Variants in RIC8B observed in about 807,000 individuals in gnomAD.
RIC8B encodes the protein chaperone Ric-8B.
Under a neutral mutation model 57.5 loss-of-function variants are expected in RIC8B, and 16 were observed. The ratio of observed to expected loss-of-function variants is 0.28; its 90% CI spans 0.19 to 0.42. The LOEUF is 0.42. Ranked by LOEUF, RIC8B falls within the 10% of genes least tolerant of loss-of-function variation. The pLI is 1.00. For missense variants in RIC8B, 481 were observed against 677.0 expected (o/e 0.71, Z 3.21); for synonymous variants, 216 against 250.8 (o/e 0.86, Z 1.31).
chr12:106,887,203 C>CAT lies in RIC8B; in HGVS notation c.*1196_*1197dup, dbSNP rs1201973976. ...ATGTATATACACACGTACATACATT[C>CAT]ATATATATACATATATACATAATGT... On this transcript the variant is annotated 3_prime_UTR_variant, in exon 10 of 10. Coordinates refer to ENST00000392837, the MANE Select transcript of RIC8B (RefSeq NM_001330145.2). The CAT allele has an allele frequency of 6.6e-6, 1 of 152,392 alleles. No homozygotes were observed. Among genetic ancestry groups the CAT allele is most frequent in the Non-Finnish European group, 1.5e-5 (1 of 67,996 alleles). The allele number at this position is 152,392 out of a possible 1,614,324, so 9.4% of individuals were successfully genotyped here. A position where few individuals can be genotyped will look rare whatever the true frequency, so the allele number is the denominator to read the frequency against.
intron 9 of RIC8B, 44 bp from the exon 10 acceptor site, chr12:106,885,860 C>A (rs759980495): frequency 7.8e-7 from 1 of 1,284,134 alleles, no homozygotes; most frequent in Non-Finnish European, 1.1e-6. Flanking sequence ...GTGTGTGATG[C>A]TGGTGAATAC....
chr12:106,814,764 G>A lies in RIC8B; in HGVS notation c.201G>A (p.Leu67=), dbSNP rs757625948. 65 of 1,613,940 alleles carry A rather than the reference G, an allele frequency of 4.0e-5. No individual in the cohort carries two copies. The South Asian group carries it at 6.6e-4, about 16-fold the overall frequency. Residue 67 remains leucine (L), a synonymous_variant, in exon 3 of 10, where the codon CTG becomes CTA. Coordinates refer to ENST00000392837, the MANE Select transcript of RIC8B (RefSeq NM_001330145.2). ...DIPTTCQVSC[L]EVLRILSRDK... is the part of the protein sequence containing the mutation. ...CAACAACATGTCAAGTGTCCTGCCTGGAAGTACTCCGCATTCTCTCCAGAG... is the reference window on the plus strand; with the variant it reads ...CAACAACATGTCAAGTGTCCTGCCTAGAAGTACTCCGCATTCTCTCCAGAG...
rs1445218427 is a variant in RIC8B, at chr12:106,867,645, AT to A, written c.1452-3175del. 6.6e-5 allele frequency among the ~76,000 whole-genome samples: 10 copies of A among 152,106 alleles called. No homozygotes were observed. In the East Asian group the frequency reaches 1.3e-3, roughly 20 times the overall value. ...CGTCTTTGTTGTCACAATGGCTATT[AT>A]TTGTTTTCTCTTCCTTTCTGGGTAG... On this transcript the variant is annotated intron_variant, in intron 8 of 9. Transcript: ENST00000392837. This position sits in a 1 kb window ranked among gnomAD's most constrained non-coding sequence, Gnocchi z 4.3.
intron 2 of RIC8B, among the ~76,000 whole-genome samples, chr12:106,788,963 G>A (rs144212829): frequency 6.6e-6 from 1 of 152,274 alleles, no homozygotes; most frequent in African/African-American, 2.4e-5. Flanking sequence ...TTGTCAAGCT[G>A]CAAAGTTTCT....
At chr12:106,872,157 C>T (rs1950459959) in intron 9 of RIC8B, among the ~76,000 whole-genome samples, 1 of 152,200 alleles carries the variant, frequency 6.6e-6, no homozygotes, top group Non-Finnish European at 1.5e-5. Context: ...ACATTGTTGC[C>T]TCTTTGCAAA....
intron 3 of RIC8B, among the ~76,000 whole-genome samples, chr12:106,823,716 C>T (rs1226333899): frequency 1.4e-5 from 2 of 147,964 alleles, no homozygotes; most frequent in African/African-American, 5.0e-5. Flanking sequence ...CGGAGTTTAG[C>T]TCTTGTAGCC....
At chr12:106,798,187 T>C (rs1356822933) in intron 2 of RIC8B, 1 of 521,828 alleles carries the variant, frequency 1.9e-6, no homozygotes, top group Non-Finnish European at 3.5e-6. Flanking sequence ...TTGTCAAAAA[T>C]GTAAGGTTTC....
chr12:106,845,607 A>T (rs1027856940), intron 6 of RIC8B, among the ~76,000 whole-genome samples: 31 of 152,226 alleles, frequency 2.0e-4, no homozygotes, highest in African/African-American at 6.7e-4. Flanking sequence ...TAATCATTTT[A>T]AAAAATGTAT....
At chr12:106,882,773 T>TA (rs1468262405) in intron 9 of RIC8B, among the ~76,000 whole-genome samples, 1 of 152,274 alleles carries the variant, frequency 6.6e-6, no homozygotes, top group African/African-American at 2.4e-5. Flanking sequence ...GCCCAGGCAT[T>TA]ACGTAGAGCC....
intron 8 of RIC8B, among the ~76,000 whole-genome samples, chr12:106,868,692 C>T (rs1322059412): frequency 6.6e-6 from 1 of 151,094 alleles, no homozygotes; most frequent in Non-Finnish European, 1.5e-5. Context: ...AACTGGAGGC[C>T]TTTTTCTCTT....
At chr12:106,878,824 T>TC (rs34359253) in intron 9 of RIC8B, among the ~76,000 whole-genome samples, 50,388 of 150,004 alleles carry the variant, frequency 0.34, 9,081 homozygotes, top group South Asian at 0.45. Flanking sequence ...TGCCTCATGT[T>TC]CCCCCCCCCT....
chr12:106,826,225 C>T (rs1368482671), intron 4 of RIC8B, among the ~76,000 whole-genome samples: 1 of 152,134 alleles, frequency 6.6e-6, no homozygotes, highest in Admixed American at 6.6e-5. Flanking sequence ...CAATTTTTCC[C>T]TTTTACTAGT....
rs1333638229 is a variant in RIC8B, at chr12:106,887,125, T to G, written c.*1110T>G. The G allele has an allele frequency of 6.6e-6, 1 of 152,588 alleles. No individual in the cohort carries two copies. Among genetic ancestry groups the G allele is most frequent in the African/African-American group, 2.4e-5 (1 of 41,436 alleles). 9.5% of individuals were successfully genotyped at this position (152,588 alleles called of 1,614,324 possible). On this transcript the variant is annotated 3_prime_UTR_variant, in exon 10 of 10. Coordinates refer to ENST00000392837, the MANE Select transcript of RIC8B (RefSeq NM_001330145.2). ...TGAGTCATGCACTAGACAGTGGGCC[T>G]AGCTCATCAGTGGCTAAAGTTGAAA...
At chr12:106,787,029 G>A (rs1008673895) in intron 2 of RIC8B, among the ~76,000 whole-genome samples, 8 of 152,174 alleles carry the variant, frequency 5.3e-5, no homozygotes, top group Admixed American at 4.6e-4. Context: ...GTGAAAGGGA[G>A]AAATTTCTTT....
At chr12:106,829,870 G>A (rs2046279742) in intron 4 of RIC8B, among the ~76,000 whole-genome samples, 2 of 152,184 alleles carry the variant, frequency 1.3e-5, no homozygotes, top group African/African-American at 4.8e-5. Context: ...TTGGCAGCAG[G>A]ATTGGTGGGG....
chr12:106,843,849 TAGGGA>T lies in RIC8B; in HGVS notation c.1066_1070del (p.Gly356GlnfsTer3). ...CAAAAACATATGGTTTTTTTTTTTA[TAGGGA>T]AGCAGCTATAGAGAGGGTCTAACTC... On this transcript the variant is annotated splice_acceptor_variant and coding_sequence_variant, in exon 6 of 10. Transcript: ENST00000392837. LOFTEE classifies it high-confidence loss of function. 1 of 1,590,194 alleles carries T rather than the reference TAGGGA, an allele frequency of 6.3e-7. No individual in the cohort carries two copies. The highest frequency in any genetic ancestry group is 8.6e-7 in the Non-Finnish European group (1 of 1,167,072).
chr12:106,780,703 A>T (rs2043726929), intron 1 of RIC8B, among the ~76,000 whole-genome samples: 1 of 152,230 alleles, frequency 6.6e-6, no homozygotes, highest in Non-Finnish European at 1.5e-5. Flanking sequence ...GTGTTCATGA[A>T]ACAGCACAAC....
chr12:106,844,050 C>T, intron 6 of RIC8B, 103 bp downstream of exon 6: 1 of 824,148 alleles, frequency 1.2e-6, no homozygotes, highest in South Asian at 1.5e-5. Flanking sequence ...TTCAGATAAT[C>T]AGAAACTCAG....
At chr12:106,793,723 A>C (rs1300375020) in intron 2 of RIC8B, among the ~76,000 whole-genome samples, 1 of 152,216 alleles carries the variant, frequency 6.6e-6, no homozygotes, top group Non-Finnish European at 1.5e-5. Flanking sequence ...TCCCAGTGCA[A>C]CTGTGGACAT....
Sources: allele counts gnomAD v4.1 joint callset (sites outside exome capture counted in the v4.1 genomes callset), GRCh38; gene constraint gnomAD v4.1.1; non-coding constraint Gnocchi (gnomAD v3.1); transcripts MANE v1.5; gene names NCBI Gene and HGNC (gene_info 2026-07-23, HGNC 2026-07-21).